DIAPH2: variants seen among roughly 807,000 people sequenced by gnomAD.
The protein encoded by DIAPH2 is diaphanous related formin 2, also known as protein diaphanous homolog 2.
Under a neutral mutation model 92.7 loss-of-function variants are expected in DIAPH2, and 35 were observed. The ratio of observed to expected loss-of-function variants is 0.38; its 90% CI spans 0.29 to 0.50. The LOEUF is 0.50. Among genes scored for constraint, DIAPH2 ranks in the 20% least tolerant of loss-of-function variants. The probability of loss-of-function intolerance (pLI) is 0.94; values close to 1 mark genes in which losing one functional copy is unlikely to be tolerated. For missense variants in DIAPH2, 701 were observed against 819.5 expected (o/e 0.86, Z 1.77); for synonymous variants, 301 against 280.4 (o/e 1.07, Z -0.73).
At chrX:97,264,944 C>G (rs773241146) in intron 23 of DIAPH2, among the ~76,000 whole-genome samples, 1 of 111,357 alleles carries the variant, frequency 9.0e-6, no homozygotes, top group Admixed American at 9.6e-5. Context: ...GATCACACCA[C>G]TGCATTCCAG....
chrX:96,901,760 C>T (rs1335288292), intron 5 of DIAPH2, among the ~76,000 whole-genome samples: 1 of 109,457 alleles, frequency 9.1e-6, no homozygotes, highest in Non-Finnish European at 1.9e-5. Context: ...GTCTCGAACT[C>T]CTGGCCTCAA....
chrX:96,896,820 A>C (rs1424667429), intron 5 of DIAPH2, among the ~76,000 whole-genome samples: 1 of 112,031 alleles, frequency 8.9e-6, no homozygotes, highest in African/African-American at 3.2e-5. Flanking sequence ...GAAGGCTGAT[A>C]TCTCTTAGGG....
chrX:96,794,236 C>T (rs770152469), intron 4 of DIAPH2, among the ~76,000 whole-genome samples: 38 of 111,259 alleles, frequency 3.4e-4, no homozygotes, highest in African/African-American at 1.0e-3. Flanking sequence ...GCCTCCCCAA[C>T]GGCCCTAACT....
chrX:97,338,958 C>G (rs894927241), intron 23 of DIAPH2, among the ~76,000 whole-genome samples: 4 of 111,626 alleles, frequency 3.6e-5, no homozygotes, highest in Non-Finnish European at 5.6e-5. Flanking sequence ...CTGAAATAGT[C>G]AAAACCAATA....
intron 17 of DIAPH2, among the ~76,000 whole-genome samples, chrX:97,036,605 T>G (rs1454840550): frequency 8.9e-6 from 1 of 111,942 alleles, no homozygotes; most frequent in African/African-American, 3.2e-5. Context: ...AAGGAGTTAG[T>G]GGAGCTGGTA....
At chrX:96,747,647 A>G (rs1165113716) in intron 3 of DIAPH2, among the ~76,000 whole-genome samples, 1 of 112,000 alleles carries the variant, frequency 8.9e-6, no homozygotes, top group Non-Finnish European at 1.9e-5. Flanking sequence ...TAGAGAGAAT[A>G]GTTGTGCTTG....
chrX:96,751,308 G>T (rs1180092086), intron 3 of DIAPH2, among the ~76,000 whole-genome samples: 1 of 110,711 alleles, frequency 9.0e-6, no homozygotes, highest in Non-Finnish European at 1.9e-5. Context: ...TGGGCGCGGT[G>T]GCTCAAGTCT....
At chrX:97,374,928 A>G (rs2069484837) in intron 24 of DIAPH2, among the ~76,000 whole-genome samples, 1 of 111,933 alleles carries the variant, frequency 8.9e-6, no homozygotes, top group African/African-American at 3.3e-5. Context: ...CTCACACTGT[A>G]TCTTCCTACT....
intron 1 of DIAPH2, among the ~76,000 whole-genome samples, chrX:96,721,507 A>C (rs768244191): frequency 8.9e-6 from 1 of 112,479 alleles, no homozygotes; most frequent in South Asian, 3.7e-4. Flanking sequence ...TAACAGCTTT[A>C]TACACAAGCT....
At chrX:97,327,831 C>G (rs968103992) in intron 23 of DIAPH2, among the ~76,000 whole-genome samples, 1 of 112,582 alleles carries the variant, frequency 8.9e-6, no homozygotes, top group Non-Finnish European at 1.9e-5. Context: ...CCGTTTCTGC[C>G]TCCCAAAGTG....
chrX:96,722,617 A>G (rs2063995988), intron 1 of DIAPH2, among the ~76,000 whole-genome samples: 1 of 111,837 alleles, frequency 8.9e-6, no homozygotes, highest in Non-Finnish European at 1.9e-5. Context: ...GTGAAGAAGT[A>G]AACAACATAA....
chrX:97,240,433 C>A (rs1370229905), intron 22 of DIAPH2, among the ~76,000 whole-genome samples: 1 of 110,477 alleles, frequency 9.1e-6, no homozygotes, highest in African/African-American at 3.3e-5. Flanking sequence ...AGTGAAACCC[C>A]GTCTCTACTA....
At chrX:96,751,495 G>A (rs1459163758) in intron 3 of DIAPH2, among the ~76,000 whole-genome samples, 1 of 101,499 alleles carries the variant, frequency 9.9e-6, no homozygotes, top group Non-Finnish European at 2.0e-5. Flanking sequence ...AGAATGGCGT[G>A]AACCCGGGAG....
intron 26 of DIAPH2, among the ~76,000 whole-genome samples, chrX:97,584,576 C>G (rs2071466817): frequency 9.0e-6 from 1 of 111,449 alleles, no homozygotes; most frequent in Non-Finnish European, 1.9e-5. Context: ...GTAGGCTGAA[C>G]AAAGTGGTAC....
intron 17 of DIAPH2, among the ~76,000 whole-genome samples, chrX:97,038,761 A>T (rs886067024): frequency 3.6e-5 from 4 of 110,768 alleles, no homozygotes; most frequent in Admixed American, 9.6e-5. Flanking sequence ...ATCTTATTTT[A>T]AAAAATGCCT....
At chrX:97,553,281 A>T (rs958402530) in intron 26 of DIAPH2, among the ~76,000 whole-genome samples, 1 of 112,353 alleles carries the variant, frequency 8.9e-6, no homozygotes, top group Non-Finnish European at 1.9e-5. Context: ...AATTAATTAA[A>T]TATTCACAAC....
At chrX:96,931,614 A>T (rs1027428572) in intron 10 of DIAPH2, among the ~76,000 whole-genome samples, 45 of 110,165 alleles carry the variant, frequency 4.1e-4, no homozygotes, top group African/African-American at 1.5e-3. Context: ...GAGAGAAAAA[A>T]ACAACAACAA....
chrX:97,149,458 G>A (rs1602375202), intron 22 of DIAPH2, among the ~76,000 whole-genome samples: 2 of 110,492 alleles, frequency 1.8e-5, no homozygotes, highest in African/African-American at 6.6e-5. Context: ...CAGGCCGGGC[G>A]CGGTGGCTCA....
At position 96,738,708 on chromosome X, in the gene DIAPH2, A is replaced by G; in HGVS notation, c.288A>G (p.Glu96=). 8.3e-7 allele frequency: 1 copy of G among 1,209,479 alleles called. No individual in the cohort carries two copies. The highest frequency in any genetic ancestry group is 3.0e-5 in the East Asian group (1 of 33,784). Residue 96 remains glutamate, a synonymous_variant, in exon 3 of 27, where the codon GAA becomes GAG. Transcript: ENST00000324765. ...EFPAAQPLYD[E]RSLNLSEKEV... ...CTGCAGCTCAGCCATTATATGATGAACGATCTTTGAATTTGTCAGAAAAGG... is the reference window on the plus strand; with the variant it reads ...CTGCAGCTCAGCCATTATATGATGAGCGATCTTTGAATTTGTCAGAAAAGG...
Sources: allele counts gnomAD v4.1 joint callset (sites outside exome capture counted in the v4.1 genomes callset), GRCh38; gene constraint gnomAD v4.1.1; transcripts MANE v1.5; gene names NCBI Gene and HGNC (gene_info 2026-07-23, HGNC 2026-07-21).